The following RALGAPB variants were observed in gnomAD, a reference collection of about 807,000 sequenced individuals.
The protein encoded by RALGAPB is ral GTPase-activating protein subunit beta.
A neutral mutation model predicts 161.1 loss-of-function variants in RALGAPB; 25 were observed. The observed-to-expected ratio is 0.16, with a 90% CI of 0.11 to 0.22. RALGAPB has a LOEUF of 0.22. RALGAPB is among the 10% of genes least tolerant of loss of function. The pLI, the probability that RALGAPB is intolerant of heterozygous loss-of-function variation, is 1.00. For missense variants in RALGAPB, 1,391 were observed against 1,815.2 expected, an observed-to-expected ratio of 0.77 and a Z score of 4.25; for synonymous variants, 629 against 626.1, an observed-to-expected ratio of 1.00 and a Z score of -0.07.
intron 18 of RALGAPB, among the ~76,000 whole-genome samples, chr20:38,542,366 A>G (rs147041070): frequency 4.6e-5 from 7 of 152,160 alleles, no homozygotes; most frequent in Admixed American, 2.0e-4. Context: ...ATTTGTTTCT[A>G]TTCCTGTGGG....
At chr20:38,485,615 C>T (rs908777277) in intron 1 of RALGAPB, among the ~76,000 whole-genome samples, 2 of 151,960 alleles carry the variant, frequency 1.3e-5, no homozygotes, top group Admixed American at 6.6e-5. Flanking sequence ...TTAGTAGAGA[C>T]GGGGTTTTGC....
rs2088495574 is a variant in RALGAPB, at chr20:38,577,883, G to GAACGGT, written c.*2917_*2922dup. 1 of 152,172 alleles carries GAACGGT rather than the reference G, an allele frequency of 6.6e-6. No homozygotes were observed. Among genetic ancestry groups the GAACGGT allele is most frequent in the Admixed American group, 6.6e-5 (1 of 15,260 alleles). The allele number at this position is 152,172 out of a possible 1,614,324, so 9.4% of individuals were successfully genotyped here. A position where few individuals can be genotyped will look rare whatever the true frequency, so the allele number is the denominator to read the frequency against. On this transcript the variant is annotated 3_prime_UTR_variant, in exon 30 of 30. Coordinates refer to ENST00000262879, the MANE Select transcript of RALGAPB (RefSeq NM_020336.4). ...CAGGTTCTGTGTATGAGGCCTTCAT[G>GAACGGT]AACGGTTACCTTCTCCATACACTAG...
intron 26 of RALGAPB, 92 bp from the exon 27 acceptor site, chr20:38,569,796 A>G (rs2088160579): frequency 1.1e-6 from 1 of 886,864 alleles, no homozygotes; most frequent in Admixed American, 2.0e-5. Flanking sequence ...GTCACTGAGC[A>G]CCTTGACAAA....
chr20:38,531,796 G>C (rs1251124006), intron 14 of RALGAPB, among the ~76,000 whole-genome samples: 1 of 152,132 alleles, frequency 6.6e-6, no homozygotes, highest in Non-Finnish European at 1.5e-5. Flanking sequence ...AGTAAGCTGA[G>C]TAGATGTAAG....
intron 28 of RALGAPB, 45 bp from the exon 29 acceptor site, chr20:38,574,105 A>G (rs1032462026): frequency 2.6e-6 from 4 of 1,547,842 alleles, no homozygotes; most frequent in Non-Finnish European, 3.5e-6. Flanking sequence ...TGTCTCGGGG[A>G]CTTCAACTCT....
intron 6 of RALGAPB, among the ~76,000 whole-genome samples, chr20:38,515,016 GT>G (rs1417759543): frequency 6.6e-6 from 1 of 152,220 alleles, no homozygotes; most frequent in Non-Finnish European, 1.5e-5. Flanking sequence ...TCTCTCTCCA[GT>G]TTTTGATTTA....
intron 1 of RALGAPB, among the ~76,000 whole-genome samples, chr20:38,474,186 A>G (rs1299538615): frequency 6.6e-6 from 1 of 152,198 alleles, no homozygotes; most frequent in Non-Finnish European, 1.5e-5. Context: ...TCGTTTTTAC[A>G]TATGCTGGAA....
chr20:38,510,485 A>G (rs1423071154), intron 6 of RALGAPB, among the ~76,000 whole-genome samples: 1 of 152,130 alleles, frequency 6.6e-6, no homozygotes, highest in Non-Finnish European at 1.5e-5. Context: ...TTTCAGATCA[A>G]TTTTAGAACC....
At chr20:38,572,500 C>T (rs2088277409) in intron 28 of RALGAPB, among the ~76,000 whole-genome samples, 2 of 152,212 alleles carry the variant, frequency 1.3e-5, no homozygotes, top group South Asian at 4.1e-4. Flanking sequence ...CTGCATCTCT[C>T]TCATCACAGA....
intron 13 of RALGAPB, among the ~76,000 whole-genome samples, chr20:38,528,960 G>A (rs2086562030): frequency 6.6e-6 from 1 of 152,120 alleles, no homozygotes; most frequent in Non-Finnish European, 1.5e-5. Context: ...GGGATTATAG[G>A]CATGAACCAA....
At chr20:38,574,734 C>T in intron 29 of RALGAPB, 40 bp from the exon 30 acceptor site, 1 of 1,559,830 alleles carries the variant, frequency 6.4e-7, no homozygotes, top group Non-Finnish European at 8.8e-7. Flanking sequence ...ACGTAAGTGA[C>T]TAGTTTCTAA....
chr20:38,494,227 T>G (rs1175551489), intron 3 of RALGAPB, among the ~76,000 whole-genome samples: 1 of 152,250 alleles, frequency 6.6e-6, no homozygotes, highest in Non-Finnish European at 1.5e-5. Flanking sequence ...TGTCTCTATT[T>G]TAGGCTTCCA....
At chr20:38,539,599 T>C (rs1347394948) in intron 16 of RALGAPB, among the ~76,000 whole-genome samples, 177 bp from the exon 17 acceptor site, 2 of 152,250 alleles carry the variant, frequency 1.3e-5, no homozygotes, top group East Asian at 3.8e-4. Flanking sequence ...CACTATTTTT[T>C]GTGGAGTATT....
intron 1 of RALGAPB, among the ~76,000 whole-genome samples, chr20:38,487,990 G>A (rs2085167838): frequency 1.3e-5 from 2 of 152,032 alleles, no homozygotes; most frequent in Admixed American, 6.6e-5. Context: ...TGCTTGAATC[G>A]CGGAGGTTGC....
intron 5 of RALGAPB, among the ~76,000 whole-genome samples, chr20:38,507,538 G>T (rs1170220507): frequency 6.6e-6 from 1 of 151,940 alleles, no homozygotes; most frequent in Non-Finnish European, 1.5e-5. Flanking sequence ...ACCACGCCCA[G>T]CTAATTTTTG....
chr20:38,501,811 T>G (rs1246817428), intron 5 of RALGAPB, among the ~76,000 whole-genome samples: 1 of 152,112 alleles, frequency 6.6e-6, no homozygotes, highest in East Asian at 1.9e-4. Flanking sequence ...AGTGGAAAAT[T>G]TTTTTTGAAA....
chr20:38,532,994 TAAG>T (rs1438692448), intron 15 of RALGAPB, 135 bp downstream of exon 15: 11 of 1,025,230 alleles, frequency 1.1e-5, no homozygotes, highest in African/African-American at 4.9e-5. Context: ...ATGTCAGTCT[TAAG>T]AAGCTAAGAA....
Position 38,551,140 on chromosome 20 carries a change from C to G in RALGAPB, c.3079C>G (p.Pro1027Ala), listed in dbSNP as rs141179561. 2.4e-4 allele frequency: 381 copies of G among 1,613,722 alleles called. 2 individuals are homozygous for G. The highest frequency in any genetic ancestry group is 2.2e-4 in the Admixed American group (13 of 59,992). ...ATTTAAATATTCTGTGAAACATCGG[C>G]CATTTCCTGAAGAGGTGGACAAGAT... ...VGFKYSVKHR[P>A]FPEEVDKIPF... Residue 1027 changes from proline to alanine, a missense_variant, in exon 21 of 30, where the codon CCA becomes GCA. By Grantham distance (27) the Pro-to-Ala change is conservative. This residue lies in a region of RALGAPB where 946 missense variants were observed against 1,257.2 expected (regional missense o/e 0.75). Transcript: ENST00000262879.
intron 9 of RALGAPB, among the ~76,000 whole-genome samples, chr20:38,519,382 T>C (rs1036770840): frequency 6.6e-6 from 1 of 152,146 alleles, no homozygotes; most frequent in Non-Finnish European, 1.5e-5. Context: ...AATGAATCAG[T>C]CCTATTTTTC....
Sources: allele counts gnomAD v4.1 joint callset (sites outside exome capture counted in the v4.1 genomes callset), GRCh38; gene constraint gnomAD v4.1.1; regional missense constraint gnomAD v4.1.1; transcripts MANE v1.5; gene names NCBI Gene and HGNC (gene_info 2026-07-23, HGNC 2026-07-21).